Variants in PSG11 observed in about 807,000 individuals in gnomAD.
The protein encoded by PSG11 is pregnancy specific beta-1-glycoprotein 11, also known as pregnancy-specific beta-1-glycoprotein 11.
PSG11 carries 42 observed loss-of-function variants against 36.0 expected under a neutral mutation model. The ratio of observed to expected loss-of-function variants is 1.17; its 90% CI spans 0.91 to 1.51. PSG11 has a LOEUF of 1.51. Ranked by LOEUF, PSG11 falls within the 40% of genes most tolerant of loss-of-function variation. PSG11 has a pLI of 0.00. For synonymous variants in PSG11, 206 were observed against 153.5 expected (o/e 1.34, Z -2.53); for missense variants, 558 against 403.5 (o/e 1.38, Z -3.28).
At chr19:43,010,977 A>C (rs145101469) in intron 4 of PSG11, among the ~76,000 whole-genome samples, 2,632 of 150,222 alleles carry the variant, frequency 0.018, 155 homozygotes, top group African/African-American at 0.061. Flanking sequence ...TAAATACTTT[A>C]CCTGTATCTC....
At chr19:43,012,701 G>T (rs1159052592) in intron 4 of PSG11, among the ~76,000 whole-genome samples, 1 of 151,404 alleles carries the variant, frequency 6.6e-6, no homozygotes, top group Non-Finnish European at 1.5e-5. Context: ...TTGTTAGGAG[G>T]ACAGTGCTAC....
In PSG11 at chr19:43,007,788, GA is replaced by G. The variant is rs1973966925; in HGVS notation, c.*294del. 3.6e-6 allele frequency: 1 copy of G among 276,052 alleles called. No homozygotes were observed. The highest frequency in any genetic ancestry group is 2.2e-5 in the African/African-American group (1 of 44,934). The allele number at this position is 276,052 out of a possible 1,614,324, so 17.1% of individuals were successfully genotyped here. On this transcript the variant is annotated 3_prime_UTR_variant, in exon 6 of 6. Transcript: ENST00000320078. Reference sequence around the variant, plus strand: ...ACAAAAGTATACTTTACCAATTGCTGAAGAAAAAAATTCATAAATCTGGAGG... The same window carrying G: ...ACAAAAGTATACTTTACCAATTGCTGAGAAAAAAATTCATAAATCTGGAGG...
At position 43,024,694 on chromosome 19, in the gene PSG11, A is replaced by C. The variant is rs763379050; in HGVS notation, c.427T>G (p.Tyr143Asp). 6.2e-7 allele frequency: 1 copy of C among 1,610,390 alleles called. No homozygotes were observed. The highest frequency in any genetic ancestry group is 1.3e-5 in the African/African-American group (1 of 74,258). ...GVTGYFTFTL[Y>D]LETPKPSISS... ...GGGATCATGTGGAATCACTTACGGT[A>C]TAAGGTGAAGGTGAAATATCCAGTT... Residue 143 changes from tyrosine (Y) to aspartate (D), a missense_variant, in exon 2 of 6, where the codon TAC becomes GAC. Transcript: ENST00000320078.
Position 43,010,053 on chromosome 19 carries a change from A to G in PSG11, c.965-12T>C. On this transcript the variant is annotated splice_polypyrimidine_tract_variant and intron_variant, in intron 4 of 5. Transcript: ENST00000320078. ...TAATCCTGGAGGAGCTGTCATGGAA[A>G]GAAAAGAAAAGAAGGAATGAAGGTG... The G allele has an allele frequency of 1.9e-6, 3 of 1,606,110 alleles. No homozygotes were observed. The highest frequency in any genetic ancestry group is 2.2e-5 in the South Asian group (2 of 90,496).
Position 43,026,292 on chromosome 19 carries a change from G to A in PSG11, c.64+17C>T, listed in dbSNP as rs895153397. 8.1e-6 allele frequency: 13 copies of A among 1,609,778 alleles called. No individual in the cohort carries two copies. In the African/African-American group the frequency reaches 1.3e-4, roughly 17 times the overall value. ...TGCTTCCTCCTCCTGTCCTCTCCCAGGAAGTTCTCTCCTCACCTGTGAGCA... is the reference window on the plus strand; with the variant it reads ...TGCTTCCTCCTCCTGTCCTCTCCCAAGAAGTTCTCTCCTCACCTGTGAGCA... On this transcript the variant is annotated intron_variant, in intron 1 of 5. Transcript: ENST00000320078.
intron 1 of PSG11, among the ~76,000 whole-genome samples, chr19:43,025,728 G>C (rs189322270): frequency 6.8e-6 from 1 of 146,034 alleles, no homozygotes; most frequent in East Asian, 2.0e-4. Context: ...ATTTTTATTT[G>C]TAGTGTCATC....
rs745836316 is a variant in PSG11 at position 43,015,308 on chromosome 19, C to G, written c.772G>C (p.Asp258His). The G allele has an allele frequency of 1.2e-6, 2 of 1,610,058 alleles. No homozygotes were observed. The highest frequency in any genetic ancestry group is 1.7e-6 in the Non-Finnish European group (2 of 1,177,262). Residue 258 changes from aspartate (D) to histidine (H), a missense_variant, in exon 4 of 6, where the codon GAC becomes CAC. Coordinates refer to ENST00000320078, the MANE Select transcript of PSG11 (RefSeq NM_002785.3). ...VTSYYSGENL[D>H]LSCFANSNPP... ...TTAGAGTTTGCGAAGCAGGACAAGT[C>G]GAGGTTCTCTCCTGAATAGTAAGAG...
At chr19:43,020,445 A>C (rs144123780) in intron 2 of PSG11, among the ~76,000 whole-genome samples, 2 of 151,442 alleles carry the variant, frequency 1.3e-5, no homozygotes, top group African/African-American at 4.9e-5. Context: ...TAATTATCCC[A>C]TAAAAAGTTG....
At chr19:43,013,132 A>T (rs1459259801) in intron 4 of PSG11, among the ~76,000 whole-genome samples, 1 of 151,292 alleles carries the variant, frequency 6.6e-6, no homozygotes, top group African/African-American at 2.4e-5. Context: ...ACCCACAATA[A>T]ATCATAGATC....
At position 43,016,044 on chromosome 19, in the gene PSG11, T is replaced by C. The variant is rs557472850; in HGVS notation, c.710-674A>G. 1.6e-5 allele frequency: 26 copies of C among 1,608,434 alleles called. 1 individual carries two copies. The highest frequency in any genetic ancestry group is 1.0e-4 in the Admixed American group (6 of 59,750). On this transcript the variant is annotated intron_variant, in intron 3 of 5. Coordinates refer to ENST00000320078, the MANE Select transcript of PSG11 (RefSeq NM_002785.3). ...TGGTGATGTAGGGCATGGGCAGCTT[T>C]GCTGTGTGGATAACAGAGAGAAGAT...
Position 43,023,026 on chromosome 19 carries a change from G to A in PSG11, c.430+1665C>T, listed in dbSNP as rs1042547050. ...AAGCAGAGAGAGGCAGAGACACCATGGCAGTGAGCAGTGAGGGAGACACTG... is the reference window on the plus strand; with the variant it reads ...AAGCAGAGAGAGGCAGAGACACCATAGCAGTGAGCAGTGAGGGAGACACTG... On this transcript the variant is annotated intron_variant, in intron 2 of 5. Transcript: ENST00000320078. Among the ~76,000 whole-genome samples, 27 of 150,870 alleles carry A rather than the reference G, an allele frequency of 1.8e-4. 1 individual carries two copies. Among genetic ancestry groups the A allele is most frequent in the African/African-American group, 6.1e-4 (25 of 40,788 alleles).
chr19:43,025,254 C>T, intron 1 of PSG11, 198 bp from the exon 2 acceptor site: 1 of 1,029,584 alleles, frequency 9.7e-7, no homozygotes, highest in Non-Finnish European at 1.4e-6. Flanking sequence ...GTTCTACTGT[C>T]CTACTAGGTC....
chr19:43,015,421 A>T lies in PSG11; in HGVS notation c.710-51T>A, dbSNP rs1599672369. ...GTTGATGTCATCTGAGGGAAGGGGA[A>T]GCTCCTTGTCTCTTAAAGGGACACA... is the stretch of plus-strand genomic sequence containing the variant. On this transcript the variant is annotated intron_variant, in intron 3 of 5. Transcript: ENST00000320078. 5.8e-6 allele frequency: 9 copies of T among 1,564,356 alleles called. 1 individual carries two copies. The Admixed American group carries it at 8.9e-5, about 15-fold the overall frequency.
chr19:43,014,611 G>A (rs1063034), intron 4 of PSG11: 3 of 1,043,806 alleles, frequency 2.9e-6, no homozygotes, highest in Admixed American at 5.1e-5. Context: ...GTGAGGCAGG[G>A]CCAGTCACCA....
In PSG11 at chr19:43,026,406, G is replaced by C. The variant is rs746495830; in HGVS notation, c.-34C>G. 1 of 1,605,188 alleles carries C rather than the reference G, an allele frequency of 6.2e-7. No homozygotes were observed. The highest frequency in any genetic ancestry group is 1.3e-5 in the African/African-American group (1 of 74,162). The stretch of plus-strand genomic sequence containing the variant: ...CTGCGTGCATGTTCTCCTCTGTGGA[G>C]ATGAGCCTAGGATCCAGAAGCTTCC... On this transcript the variant is annotated 5_prime_UTR_variant, in exon 1 of 6. In the 5' UTR this introduces an upstream ATG that the reference lacks. Transcript: ENST00000320078.
At chr19:43,012,726 G>A (rs1255661623) in intron 4 of PSG11, among the ~76,000 whole-genome samples, 1 of 151,346 alleles carries the variant, frequency 6.6e-6, no homozygotes, top group East Asian at 1.9e-4. Context: ...AGTGAGCTGT[G>A]GATTCAATGC....
In PSG11 at chr19:43,009,456, A is replaced by C. The variant is rs376531646; in HGVS notation, c.*40+502T>G. Among the ~76,000 whole-genome samples the C allele has an allele frequency of 2.6e-5, 4 of 151,486 alleles. 1 individual carries two copies. Among genetic ancestry groups the C allele is most frequent in the African/African-American group, 2.4e-5 (1 of 41,130 alleles). ...TATACTAGGAAGTAGAGGTAAAGGA[A>C]GTGAGAAGGCTTAGTAAATAGAAGA... On this transcript the variant is annotated intron_variant, in intron 5 of 5. Transcript: ENST00000320078.
At chr19:43,016,335 C>A (rs1296845329) in intron 3 of PSG11, among the ~76,000 whole-genome samples, 1 of 151,302 alleles carries the variant, frequency 6.6e-6, no homozygotes, top group Non-Finnish European at 1.5e-5. Context: ...GTACCCCTCC[C>A]AGTCCCTCCA....
In PSG11 at chr19:43,007,692, T is replaced by C. The variant is rs1973963970; in HGVS notation, c.*391A>G. The C allele has an allele frequency of 5.8e-6, 1 of 173,278 alleles. No homozygotes were observed. The highest frequency in any genetic ancestry group is 2.4e-5 in the African/African-American group (1 of 41,822). 10.7% of individuals were successfully genotyped at this position (173,278 alleles called of 1,614,324 possible). A position where few individuals can be genotyped will look rare whatever the true frequency, so the allele number is the denominator to read the frequency against. On this transcript the variant is annotated 3_prime_UTR_variant, in exon 6 of 6. Coordinates refer to ENST00000320078, the MANE Select transcript of PSG11 (RefSeq NM_002785.3). ...AAATAACTTTATTACCATAAACATATGAATATTCATGAATAGATTCCCAAT... is the reference window on the plus strand; with the variant it reads ...AAATAACTTTATTACCATAAACATACGAATATTCATGAATAGATTCCCAAT...
Sources: gnomAD v4.1 joint callset for allele counts (sites outside exome capture counted in the v4.1 genomes callset) on GRCh38, gnomAD v4.1.1 for gene constraint, MANE v1.5 for transcripts, NCBI Gene and HGNC (gene_info 2026-07-23, HGNC 2026-07-21) for gene names.